RXRB: variants seen among roughly 807,000 people sequenced by gnomAD.
The protein encoded by RXRB is retinoic acid receptor RXR-beta.
RXRB carries 18 observed loss-of-function variants against 52.5 expected under a neutral mutation model. The ratio of observed to expected loss-of-function variants is 0.34; its 90% CI spans 0.24 to 0.51. The LOEUF is 0.51. RXRB is among the 20% of genes least tolerant of loss of function. The pLI is 0.97. For missense variants in RXRB, 455 were observed against 698.2 expected (o/e 0.65, Z 3.92); for synonymous variants, 233 against 267.1 (o/e 0.87, Z 1.25).
Position 33,199,328 on chromosome 6 carries a change from T to TGAAGGGGGTAGGGGTGGCCCAGGAGGA in RXRB, c.297_323dup (p.Pro100_Ser108dup). On this transcript the variant is annotated inframe_insertion, in exon 2 of 10. Coordinates refer to ENST00000374680, the MANE Select transcript of RXRB (RefSeq NM_021976.5). Reference sequence around the variant, plus strand: ...CAGAGCCTCCAAGGGATGGAGCTGTTGAAGGGGGTAGGGGTGGCCCAGGAG... The same window carrying TGAAGGGGGTAGGGGTGGCCCAGGAGGA: ...CAGAGCCTCCAAGGGATGGAGCTGTTGAAGGGGGTAGGGGTGGCCCAGGAGGAGAAGGGGGTAGGGGTGGCCCAGGAG... The TGAAGGGGGTAGGGGTGGCCCAGGAGGA allele has an allele frequency of 1.0e-6, 1 of 980,840 alleles. No homozygotes were observed. The highest frequency in any genetic ancestry group is 2.8e-5 in the African/African-American group (1 of 36,040). 60.8% of individuals were successfully genotyped at this position (980,840 alleles called of 1,614,324 possible). A position where few individuals can be genotyped will look rare whatever the true frequency, so the allele number is the denominator to read the frequency against.
In RXRB at chr6:33,198,158, G is replaced by A. The variant is rs181458872; in HGVS notation, c.640+150C>T. ...TTTCCCTCTGACCTTCCCCCCAATC[G>A]CGTCCTACATCTCAGCTTCAGCTTC... On this transcript the variant is annotated intron_variant, in intron 3 of 9. Transcript: ENST00000374680. 196 of 1,209,048 alleles carry A rather than the reference G, an allele frequency of 1.6e-4. 2 individuals carry two copies. In the East Asian group the frequency reaches 4.3e-3, roughly 26 times the overall value. 74.9% of individuals were successfully genotyped at this position (1,209,048 alleles called of 1,614,324 possible).
chr6:33,200,330 C>T lies in RXRB; in HGVS notation c.147G>A (p.Ala49=). ...GTTCTCCGCCTGCCACCGCCGCCGC[C>T]GCCGCCGCTGCGGGATCCAGCCAGG... ...RRPWLDPAAA[A]AAAVAGGEQQ... is the part of the protein sequence containing the mutation. The change falls in exon 1 of 10, where the codon GCG becomes GCA. Residue 49 remains alanine (A), a synonymous_variant. Coordinates refer to ENST00000374680, the MANE Select transcript of RXRB (RefSeq NM_021976.5). This position sits in a 1 kb window ranked among gnomAD's most constrained non-coding sequence, Gnocchi z 6.3. The T allele has an allele frequency of 6.3e-7, 1 of 1,587,884 alleles. No homozygotes were observed. The highest frequency in any genetic ancestry group is 8.5e-7 in the Non-Finnish European group (1 of 1,170,520).
Position 33,197,242 on chromosome 6 carries a change from C to G in RXRB, c.820+520G>C, listed in dbSNP as rs1773981525. Among the ~76,000 whole-genome samples, 1 of 152,224 alleles carries G rather than the reference C, an allele frequency of 6.6e-6. No homozygotes were observed. The highest frequency in any genetic ancestry group is 2.4e-5 in the African/African-American group (1 of 41,462). ...TGGGAAAGCCAAGCCTCAGGCTCAT[C>G]TTCTCTAAAGTGGGTGTTTTGACCA... is the stretch of plus-strand genomic sequence containing the variant. On this transcript the variant is annotated intron_variant, in intron 4 of 9. Coordinates refer to ENST00000374680, the MANE Select transcript of RXRB (RefSeq NM_021976.5). The surrounding 1 kb of genome is among the most constrained non-coding windows in gnomAD (Gnocchi z 4.4).
In RXRB at chr6:33,194,841, G is replaced by A. The variant is rs778621238; in HGVS notation, c.1455-12C>T. ...GCAGCTTGGCAAACCTGGGGTGGAG[G>A]TGGGAGAAGGGGATTGAGAGCTGGA... On this transcript the variant is annotated splice_polypyrimidine_tract_variant and intron_variant, in intron 9 of 9. Transcript: ENST00000374680. This position sits in a 1 kb window ranked among gnomAD's most constrained non-coding sequence, Gnocchi z 4.1. 48 of 1,612,596 alleles carry A rather than the reference G, an allele frequency of 3.0e-5. No homozygotes were observed. Among genetic ancestry groups the A allele is most frequent in the Non-Finnish European group, 3.9e-5 (46 of 1,179,886 alleles).
In RXRB at chr6:33,196,090, C is replaced by T; in HGVS notation, c.994-54G>A. 1 of 1,608,280 alleles carries T rather than the reference C, an allele frequency of 6.2e-7. No homozygotes were observed. The highest frequency in any genetic ancestry group is 2.2e-5 in the East Asian group (1 of 44,776). On this transcript the variant is annotated intron_variant, in intron 5 of 9. Coordinates refer to ENST00000374680, the MANE Select transcript of RXRB (RefSeq NM_021976.5). The surrounding 1 kb of genome is among the most constrained non-coding windows in gnomAD (Gnocchi z 4.0). ...AAGATTTTGAGATATGCTGGGAGCCCCCTTGTAAGAGGCTTTTGACACCCC... is the reference window on the plus strand; with the variant it reads ...AAGATTTTGAGATATGCTGGGAGCCTCCTTGTAAGAGGCTTTTGACACCCC...
At position 33,196,045 on chromosome 6, in the gene RXRB, G is replaced by T. The variant is rs1447183648; in HGVS notation, c.994-9C>A. The stretch of plus-strand genomic sequence containing the variant: ...GTCACAGGGTCATTTGGCTGCAGGG[G>T]ACGGGGGTAAGAGTTATGGAAGATT... On this transcript the variant is annotated splice_polypyrimidine_tract_variant and intron_variant, in intron 5 of 9. Coordinates refer to ENST00000374680, the MANE Select transcript of RXRB (RefSeq NM_021976.5). This position sits in a 1 kb window ranked among gnomAD's most constrained non-coding sequence, Gnocchi z 4.0. The T allele has an allele frequency of 8.7e-6, 14 of 1,612,866 alleles. No homozygotes were observed. The highest frequency in any genetic ancestry group is 1.0e-5 in the Non-Finnish European group (12 of 1,180,002).
Position 33,194,807 on chromosome 6 carries a change from G to C in RXRB, c.1477C>G (p.Leu493Val). The C allele has an allele frequency of 6.2e-7, 1 of 1,613,062 alleles. No homozygotes were observed. The highest frequency in any genetic ancestry group is 8.5e-7 in the Non-Finnish European group (1 of 1,180,032). ...QGRFAKLLLR[L>V]PALRSIGLKC... ...AGGCCAATGGACCGGAGGGCAGGAA[G>C]ACGTAGCAGCAGCTTGGCAAACCTG... is the stretch of plus-strand genomic sequence containing the variant. Residue 493 changes from leucine (L) to valine (V), a missense_variant, in exon 10 of 10, where the codon CTT becomes GTT. Coordinates refer to ENST00000374680, the MANE Select transcript of RXRB (RefSeq NM_021976.5). This position sits in a 1 kb window ranked among gnomAD's most constrained non-coding sequence, Gnocchi z 4.1.
rs1773782520 is a variant in RXRB at position 33,194,932 on chromosome 6, A to C, written c.1454+13T>G. 4 of 1,610,846 alleles carry C rather than the reference A, an allele frequency of 2.5e-6. No homozygotes were observed. The South Asian group carries it at 3.3e-5, about 13-fold the overall frequency. Reference sequence around the variant, plus strand: ...CCCCAAGGGAGCCTCAGTGCCCCCCAGCCCCATCTCACCGTCCCTGCTGCT... The same window carrying C: ...CCCCAAGGGAGCCTCAGTGCCCCCCCGCCCCATCTCACCGTCCCTGCTGCT... On this transcript the variant is annotated intron_variant, in intron 9 of 9. Transcript: ENST00000374680. This position sits in a 1 kb window ranked among gnomAD's most constrained non-coding sequence, Gnocchi z 4.1.
chr6:33,199,200 G>A lies in RXRB; in HGVS notation c.452C>T (p.Pro151Leu), dbSNP rs754695974. The A allele has an allele frequency of 3.2e-5, 42 of 1,295,386 alleles. No individual in the cohort carries two copies. Among genetic ancestry groups the A allele is most frequent in the Non-Finnish European group, 3.9e-5 (40 of 1,015,412 alleles). 80.2% of individuals were successfully genotyped at this position (1,295,386 alleles called of 1,614,324 possible). ...GCTGCTGACAGGCCCGGAGAATCCT[G>A]GGGGAGCTGGAGGGGGCAGACCAGG... ...GSPGLPPPAP[P>L]GFSGPVSSPQ... is the part of the protein sequence containing the mutation. The change falls in exon 2 of 10, where the codon CCA (proline) becomes CTA (leucine). Residue 151 changes from proline to leucine, a missense_variant. Physicochemically the swap from Pro to Leu is moderately conservative, Grantham distance 98. Around this residue, in one of 4 missense-constraint regions of RXRB, gnomAD observed 225 missense variants for 258.6 expected, o/e 0.87. Transcript: ENST00000374680.
Position 33,197,721 on chromosome 6 carries a change from G to A in RXRB, c.820+41C>T. On this transcript the variant is annotated intron_variant, in intron 4 of 9. Coordinates refer to ENST00000374680, the MANE Select transcript of RXRB (RefSeq NM_021976.5). This position sits in a 1 kb window ranked among gnomAD's most constrained non-coding sequence, Gnocchi z 4.4. ...ACAGTCTGAGTGGGATAAGGGAGAA[G>A]GGCATGTGGTCTAAGACGCCTGGGC... The A allele has an allele frequency of 6.3e-7, 1 of 1,594,712 alleles. No individual in the cohort carries two copies. Among genetic ancestry groups the A allele is most frequent in the Non-Finnish European group, 8.6e-7 (1 of 1,164,794 alleles).
In RXRB at chr6:33,195,425, C is replaced by G; in HGVS notation, c.1286G>C (p.Arg429Pro). ...CTCTGTCTTGTCCATCCTCATGTCA[C>G]GCATTTTGGACACTAGCTCTGTCAG... ...RVLTELVSKMRDMRMDKTELG... is the reference protein window; with the variant it reads ...RVLTELVSKMPDMRMDKTELG... Residue 429 changes from arginine to proline, a missense_variant, in exon 8 of 10, where the codon CGT becomes CCT. Physicochemically the swap from Arg to Pro is moderately radical, Grantham distance 103 (BLOSUM62 -2). Transcript: ENST00000374680. The surrounding 1 kb of genome is among the most constrained non-coding windows in gnomAD (Gnocchi z 8.6). 6.2e-7 allele frequency: 1 copy of G among 1,612,850 alleles called. No individual in the cohort carries two copies. Among genetic ancestry groups the G allele is most frequent in the Non-Finnish European group, 8.5e-7 (1 of 1,179,820 alleles).
At position 33,196,320 on chromosome 6, in the gene RXRB, A is replaced by G; in HGVS notation, c.993+114T>C. The G allele has an allele frequency of 8.6e-7, 1 of 1,168,944 alleles. No homozygotes were observed. Among genetic ancestry groups the G allele is most frequent in the Non-Finnish European group, 1.3e-6 (1 of 779,882 alleles). 72.4% of individuals were successfully genotyped at this position (1,168,944 alleles called of 1,614,324 possible). On this transcript the variant is annotated intron_variant, in intron 5 of 9. Coordinates refer to ENST00000374680, the MANE Select transcript of RXRB (RefSeq NM_021976.5). This position sits in a 1 kb window ranked among gnomAD's most constrained non-coding sequence, Gnocchi z 4.0. ...CTTGTTTGGCAGCACCTCCAGTCCC[A>G]AGTAGTGTTAGGAAGGTTATGAGGG...
chr6:33,194,656 G>A lies in RXRB; in HGVS notation c.*26C>T. On this transcript the variant is annotated 3_prime_UTR_variant, in exon 10 of 10. Transcript: ENST00000374680. This position sits in a 1 kb window ranked among gnomAD's most constrained non-coding sequence, Gnocchi z 4.1. ...TCTTGGATGTGTGCTCCTCCAGTGTGAGAAGCACCACGTCTGGGTCTGAGC... is the reference window on the plus strand; with the variant it reads ...TCTTGGATGTGTGCTCCTCCAGTGTAAGAAGCACCACGTCTGGGTCTGAGC... 1 of 1,609,156 alleles carries A rather than the reference G, an allele frequency of 6.2e-7. No homozygotes were observed. Among genetic ancestry groups the A allele is most frequent in the Non-Finnish European group, 8.5e-7 (1 of 1,177,970 alleles).
chr6:33,199,859 G>C, intron 1 of RXRB: 1 of 610,636 alleles, frequency 1.6e-6, no homozygotes, highest in Non-Finnish European at 3.1e-6. Flanking sequence ...ACGTGGGGTA[G>C]ACCATCGAGC....
chr6:33,200,386 C>G lies in RXRB; in HGVS notation c.91G>C (p.Gly31Arg), dbSNP rs1399716618. The change falls in exon 1 of 10, where the codon GGG (glycine) becomes CGG (arginine). Residue 31 changes from glycine (G) to arginine (R), a missense_variant. Physicochemically the swap from Gly to Arg is moderately radical, Grantham distance 125. Transcript: ENST00000374680. This position sits in a 1 kb window ranked among gnomAD's most constrained non-coding sequence, Gnocchi z 6.3. ...PVGVRKEMHC[G>R]VASRWRRRRP... is the part of the protein sequence containing the mutation. ...CGCCGCCGCCACCGGGACGCGACCCCACAATGCATTTCTTTTCGCACCCCC... is the reference window on the plus strand; with the variant it reads ...CGCCGCCGCCACCGGGACGCGACCCGACAATGCATTTCTTTTCGCACCCCC... 3 of 1,564,844 alleles carry G rather than the reference C, an allele frequency of 1.9e-6. No individual in the cohort carries two copies. Among genetic ancestry groups the G allele is most frequent in the Non-Finnish European group, 2.6e-6 (3 of 1,156,978 alleles).
At position 33,193,935 on chromosome 6, in the gene RXRB, C is replaced by G. The variant is rs967768126; in HGVS notation, c.*747G>C. The stretch of plus-strand genomic sequence containing the variant: ...GCTAGTGCTTGGAGAGCCCTAGGGA[C>G]AGGCCATTTCAGGGCCCTGCCTTTC... On this transcript the variant is annotated 3_prime_UTR_variant, in exon 10 of 10. Coordinates refer to ENST00000374680, the MANE Select transcript of RXRB (RefSeq NM_021976.5). The G allele has an allele frequency of 6.6e-6, 1 of 152,274 alleles. No individual in the cohort carries two copies. The highest frequency in any genetic ancestry group is 2.4e-5 in the African/African-American group (1 of 41,444). 9.4% of individuals were successfully genotyped at this position (152,274 alleles called of 1,614,324 possible). A position where few individuals can be genotyped will look rare whatever the true frequency, so the allele number is the denominator to read the frequency against.
Position 33,196,191 on chromosome 6 carries a change from G to A in RXRB, c.994-155C>T. 9.7e-7 allele frequency: 1 copy of A among 1,026,170 alleles called. No homozygotes were observed. The highest frequency in any genetic ancestry group is 1.5e-6 in the Non-Finnish European group (1 of 683,576). The allele number at this position is 1,026,170 out of a possible 1,614,324, so 63.6% of individuals were successfully genotyped here. A position where few individuals can be genotyped will look rare whatever the true frequency, so the allele number is the denominator to read the frequency against. On this transcript the variant is annotated intron_variant, in intron 5 of 9. Coordinates refer to ENST00000374680, the MANE Select transcript of RXRB (RefSeq NM_021976.5). This position sits in a 1 kb window ranked among gnomAD's most constrained non-coding sequence, Gnocchi z 4.0. ...GTGAGTCTTCTCTTCTGGCATTAGT[G>A]CAAACAATTATTTATTTGGGACATG...
chr6:33,195,821 A>C lies in RXRB; in HGVS notation c.1123+86T>G, dbSNP rs1432625546. 3 of 1,602,122 alleles carry C rather than the reference A, an allele frequency of 1.9e-6. No homozygotes were observed. In the African/African-American group the frequency reaches 4.0e-5, roughly 21 times the overall value. On this transcript the variant is annotated intron_variant, in intron 6 of 9. Transcript: ENST00000374680. The surrounding 1 kb of genome is among the most constrained non-coding windows in gnomAD (Gnocchi z 8.6). ...AGCAAGTTTGGCTCCCTGGGTACGC[A>C]AGGTAAGGCCACTGGGGTCACTAAA...
Position 33,196,448 on chromosome 6 carries a change from C to T in RXRB, c.979G>A (p.Gly327Ser), listed in dbSNP as rs758678114. Residue 327 changes from glycine to serine, a missense_variant, in exon 5 of 10, where the codon GGT (glycine) becomes AGT (serine). This residue lies in a region of RXRB where 100 missense variants were observed against 141.9 expected (regional missense o/e 0.70). Coordinates refer to ENST00000374680, the MANE Select transcript of RXRB (RefSeq NM_021976.5). The surrounding 1 kb of genome is among the most constrained non-coding windows in gnomAD (Gnocchi z 4.0). ...QGVEGPGGTG[G>S]SGSSPNDPVT... ...CCAACACTCACGCTGCTGCCGCTAC[C>T]CCCGGTTCCCCCAGGACCCTCAACG... 1.2e-6 allele frequency: 2 copies of T among 1,613,016 alleles called. No individual in the cohort carries two copies. The highest frequency in any genetic ancestry group is 3.3e-5 in the Admixed American group (2 of 60,034).
Sources: allele counts gnomAD v4.1 joint callset (sites outside exome capture counted in the v4.1 genomes callset), GRCh38; gene constraint gnomAD v4.1.1; regional missense constraint gnomAD v4.1.1; non-coding constraint Gnocchi (gnomAD v3.1); transcripts MANE v1.5; gene names NCBI Gene and HGNC (gene_info 2026-07-23, HGNC 2026-07-21).